PSD3: variants seen among roughly 807,000 people sequenced by gnomAD.
The protein encoded by PSD3 is PH and SEC7 domain-containing protein 3.
PSD3 carries 49 observed loss-of-function variants against 105.5 expected under a neutral mutation model. The observed-to-expected ratio is 0.46, with a 90% CI of 0.37 to 0.59. The LOEUF is 0.59. PSD3 is among the 20% of genes least tolerant of loss of function. The probability of loss-of-function intolerance (pLI) is 0.00; values close to 1 mark genes in which losing one functional copy is unlikely to be tolerated. For missense variants in PSD3, 1,561 were observed against 1,263.8 expected, an observed-to-expected ratio of 1.24 and a Z score of -3.57; for synonymous variants, 557 against 457.8, an observed-to-expected ratio of 1.22 and a Z score of -2.77.
At chr8:18,829,745 G>A (rs577340893) in intron 4 of PSD3, among the ~76,000 whole-genome samples, 1 of 152,128 alleles carries the variant, frequency 6.6e-6, no homozygotes, top group South Asian at 2.1e-4. Flanking sequence ...CTCTAATAGG[G>A]CACTTCTTTA....
chr8:18,535,362 A>C lies in PSD3; in HGVS notation c.*381T>G, dbSNP rs1271318142. 3 of 197,956 alleles carry C rather than the reference A, an allele frequency of 1.5e-5. No individual in the cohort carries two copies. Among genetic ancestry groups the C allele is most frequent in the Non-Finnish European group, 3.2e-5 (3 of 94,616 alleles). The allele number at this position is 197,956 out of a possible 1,614,324, so 12.3% of individuals were successfully genotyped here. ...TACTAAAACTACAGTTTGTCCAGTT[A>C]AGTGTTTCACAATGGATTAAATTCT... is the stretch of plus-strand genomic sequence containing the variant. On this transcript the variant is annotated 3_prime_UTR_variant, in exon 16 of 16. Transcript: ENST00000327040.
At chr8:18,608,069 A>G (rs1214169877) in intron 11 of PSD3, among the ~76,000 whole-genome samples, 1 of 152,178 alleles carries the variant, frequency 6.6e-6, no homozygotes, top group Non-Finnish European at 1.5e-5. Context: ...CAGCCAAACC[A>G]TATCACCAGG....
chr8:18,867,460 C>T (rs1817023460), intron 4 of PSD3, among the ~76,000 whole-genome samples: 1 of 152,130 alleles, frequency 6.6e-6, no homozygotes, highest in Non-Finnish European at 1.5e-5. Flanking sequence ...CCAGGAAATC[C>T]CACAGACTAA....
At chr8:18,746,424 G>A in intron 9 of PSD3, among the ~76,000 whole-genome samples, 1 of 152,052 alleles carries the variant, frequency 6.6e-6, no homozygotes, top group East Asian at 1.9e-4. Context: ...CTTCTTCAGT[G>A]CAGTCTAAGA....
chr8:18,710,764 G>A (rs756258291), intron 9 of PSD3, among the ~76,000 whole-genome samples: 6 of 151,912 alleles, frequency 3.9e-5, no homozygotes, highest in East Asian at 1.9e-4. Flanking sequence ...TCACTGCAAC[G>A]TCCAACTCCC....
At chr8:18,651,942 T>C (rs186238205) in intron 10 of PSD3, among the ~76,000 whole-genome samples, 2 of 152,106 alleles carry the variant, frequency 1.3e-5, no homozygotes, top group Non-Finnish European at 2.9e-5. Context: ...ACAGGGAAGA[T>C]TGGAGACAGA....
chr8:18,870,453 T>C (rs1242047814), intron 3 of PSD3, among the ~76,000 whole-genome samples: 2 of 151,990 alleles, frequency 1.3e-5, no homozygotes, highest in African/African-American at 4.8e-5. Flanking sequence ...ATAAAGGCCA[T>C]AAATCTCATA....
At chr8:18,933,737 G>A (rs1821896654) in intron 2 of PSD3, among the ~76,000 whole-genome samples, 1 of 152,140 alleles carries the variant, frequency 6.6e-6, no homozygotes, top group African/African-American at 2.4e-5. Context: ...CAAAGTGTTG[G>A]GATTAGAGGT....
chr8:18,609,800 C>G (rs947480391), intron 11 of PSD3, among the ~76,000 whole-genome samples: 32 of 152,172 alleles, frequency 2.1e-4, no homozygotes, highest in Non-Finnish European at 8.8e-5. Flanking sequence ...TAACCTCTAA[C>G]TTTCTTTTAC....
chr8:18,631,216 G>A (rs117251676), intron 11 of PSD3, among the ~76,000 whole-genome samples: 227 of 152,110 alleles, frequency 1.5e-3, no homozygotes, highest in Non-Finnish European at 2.3e-3. Context: ...ATTATTCAAT[G>A]TATGAAGAAG....
chr8:18,785,224 C>T (rs1809027057), intron 8 of PSD3, among the ~76,000 whole-genome samples: 1 of 152,128 alleles, frequency 6.6e-6, no homozygotes, highest in Non-Finnish European at 1.5e-5. Flanking sequence ...TGTTTTATCA[C>T]CTTGATGAAA....
intron 11 of PSD3, among the ~76,000 whole-genome samples, chr8:18,627,146 A>G (rs911855439): frequency 3.3e-5 from 5 of 152,118 alleles, no homozygotes; most frequent in Non-Finnish European, 7.4e-5. Context: ...GAAAGAAACA[A>G]ATGAGTTAAG....
At chr8:19,081,312 C>T (rs1829639009) in intron 1 of PSD3, among the ~76,000 whole-genome samples, 1 of 152,218 alleles carries the variant, frequency 6.6e-6, no homozygotes, top group African/African-American at 2.4e-5. Context: ...CTTTCTCCCA[C>T]CCTCTCCACC....
intron 9 of PSD3, among the ~76,000 whole-genome samples, chr8:18,752,126 T>G (rs906260321): frequency 2.0e-5 from 3 of 151,826 alleles, no homozygotes; most frequent in Non-Finnish European, 2.9e-5. Flanking sequence ...AGGCGGAGGT[T>G]GCAGTGAGCA....
At chr8:18,638,179 C>A (rs1474702279) in intron 10 of PSD3, among the ~76,000 whole-genome samples, 2 of 148,468 alleles carry the variant, frequency 1.3e-5, no homozygotes, top group African/African-American at 2.5e-5. Context: ...AAAAAAGATT[C>A]AGTACTGTTA....
At chr8:18,679,501 T>C (rs530140280) in intron 9 of PSD3, among the ~76,000 whole-genome samples, 11 of 152,324 alleles carry the variant, frequency 7.2e-5, no homozygotes, top group African/African-American at 2.6e-4. Context: ...TCAGAATACA[T>C]ATAAAACTAC....
intron 1 of PSD3, among the ~76,000 whole-genome samples, chr8:19,005,667 G>A (rs1461113556): frequency 2.0e-5 from 3 of 151,782 alleles, no homozygotes; most frequent in South Asian, 2.1e-4. Context: ...AAATTTTTTT[G>A]CTATTAAAGG....
intron 4 of PSD3, among the ~76,000 whole-genome samples, chr8:18,858,201 T>G (rs1194838097): frequency 6.6e-6 from 1 of 152,186 alleles, no homozygotes; most frequent in African/African-American, 2.4e-5. Flanking sequence ...AATTTCTGGA[T>G]TTTCTGGTGC....
At chr8:18,647,721 C>A (rs1026686121) in intron 10 of PSD3, among the ~76,000 whole-genome samples, 1 of 144,506 alleles carries the variant, frequency 6.9e-6, no homozygotes, top group African/African-American at 2.6e-5. Flanking sequence ...GCTCAAATTT[C>A]ATGCTGGATT....
Sources: gnomAD v4.1 joint callset for allele counts (sites outside exome capture counted in the v4.1 genomes callset) on GRCh38, gnomAD v4.1.1 for gene constraint, MANE v1.5 for transcripts, NCBI Gene and HGNC (gene_info 2026-07-23, HGNC 2026-07-21) for gene names.